The following STARD13 variants were observed in gnomAD, a reference collection of about 807,000 sequenced individuals.
STARD13 encodes StAR related lipid transfer domain containing 13.
STARD13 carries 62 observed loss-of-function variants against 106.4 expected under a neutral mutation model. That is an observed-to-expected ratio of 0.58 (90% confidence interval 0.48 to 0.72). STARD13 has a LOEUF of 0.72. Ranked by LOEUF, STARD13 falls within the 30% of genes least tolerant of loss-of-function variation. STARD13 has a pLI of 0.00. For synonymous variants in STARD13, 565 were observed against 553.0 expected (o/e 1.02, Z -0.31); for missense variants, 1,387 against 1,424.0 (o/e 0.97, Z 0.42).
chr13:33,574,871 C>T, the STARD13 span, among the ~76,000 whole-genome samples: 1 of 151,354 alleles, frequency 6.6e-6, no homozygotes, highest in South Asian at 2.1e-4. Flanking sequence ...TTGTTATACT[C>T]TCAACCTAAA....
At position 33,221,731 on chromosome 13, in the gene STARD13, A is replaced by G. The variant is rs938443909; in HGVS notation, c.170-54109T>C. Among the ~76,000 whole-genome samples, 3 of 152,250 alleles carry G rather than the reference A, an allele frequency of 2.0e-5. No individual in the cohort carries two copies. In the South Asian group the frequency reaches 6.2e-4, roughly 31 times the overall value. Reference sequence around the variant, plus strand: ...ACTTCTGTCTCAAAGAGATATTTGTACATTCACATTCATAGCAGCATTATT... The same window carrying G: ...ACTTCTGTCTCAAAGAGATATTTGTGCATTCACATTCATAGCAGCATTATT... On this transcript the variant is annotated intron_variant, in intron 1 of 13. Transcript: ENST00000336934.
chr13:33,670,855 T>C, the STARD13 span, among the ~76,000 whole-genome samples: 1 of 152,212 alleles, frequency 6.6e-6, no homozygotes, highest in African/African-American at 2.4e-5. Flanking sequence ...CATGATACCA[T>C]GAAGGATTTA....
the STARD13 span, among the ~76,000 whole-genome samples, chr13:33,534,123 C>T: frequency 6.6e-6 from 1 of 152,200 alleles, no homozygotes; most frequent in African/African-American, 2.4e-5. Context: ...AGCCTACTAG[C>T]AACCCTGAAA....
chr13:33,157,865 TG>T (rs1442585562), intron 3 of STARD13, among the ~76,000 whole-genome samples: 2 of 152,230 alleles, frequency 1.3e-5, no homozygotes, highest in African/African-American at 4.8e-5. Context: ...TTTAACACCT[TG>T]GCTATCCCTA....
At chr13:33,577,239 T>C in the STARD13 span, among the ~76,000 whole-genome samples, 3 of 152,168 alleles carry the variant, frequency 2.0e-5, no homozygotes, top group Admixed American at 1.3e-4. Context: ...TGTTTTATCG[T>C]GTTGCTGATA....
intron 10 of STARD13, among the ~76,000 whole-genome samples, chr13:33,111,484 A>T (rs540105): frequency 0.37 from 56,500 of 152,050 alleles, 11,377 homozygotes; most frequent in Middle Eastern, 0.46. Context: ...TCAAGCTCCA[A>T]GGTAAAATCA....
the STARD13 span, among the ~76,000 whole-genome samples, chr13:33,363,517 C>T: frequency 5.9e-5 from 9 of 152,218 alleles, no homozygotes; most frequent in African/African-American, 2.2e-4. Context: ...CTTAAATCTT[C>T]ATCACTGTCC....
intron 1 of STARD13, among the ~76,000 whole-genome samples, chr13:33,214,691 T>C (rs983038255): frequency 2.7e-5 from 3 of 112,592 alleles, no homozygotes; most frequent in African/African-American, 7.8e-5. Flanking sequence ...CACACACACA[T>C]GCACACATAC....
intron 1 of STARD13, among the ~76,000 whole-genome samples, chr13:33,295,575 G>C (rs1006017219): frequency 4.0e-5 from 6 of 151,886 alleles, no homozygotes; most frequent in Admixed American, 3.9e-4. Context: ...GGGCTAGACT[G>C]TGATGGTACA....
intron 1 of STARD13, among the ~76,000 whole-genome samples, chr13:33,199,848 T>A (rs1369522554): frequency 6.6e-6 from 1 of 152,186 alleles, no homozygotes; most frequent in Non-Finnish European, 1.5e-5. Context: ...TCTCGTAATG[T>A]ATATATATGG....
the STARD13 span, among the ~76,000 whole-genome samples, chr13:33,536,294 C>T: frequency 1.3e-5 from 2 of 152,162 alleles, no homozygotes; most frequent in African/African-American, 4.8e-5. Flanking sequence ...TTTAGTGTAA[C>T]ATCATTTGGA....
At chr13:33,490,688 A>G in the STARD13 span, among the ~76,000 whole-genome samples, 1 of 152,006 alleles carries the variant, frequency 6.6e-6, no homozygotes, top group Non-Finnish European at 1.5e-5. Flanking sequence ...AAAACCTCAC[A>G]TTCATCCTTC....
At chr13:33,643,330 T>C in the STARD13 span, among the ~76,000 whole-genome samples, 1 of 152,230 alleles carries the variant, frequency 6.6e-6, no homozygotes, top group East Asian at 1.9e-4. Flanking sequence ...AAGGGAAGTG[T>C]CCTGCCCACC....
chr13:33,116,400 C>A (rs1252126225), intron 8 of STARD13, among the ~76,000 whole-genome samples: 1 of 152,148 alleles, frequency 6.6e-6, no homozygotes, highest in Non-Finnish European at 1.5e-5. Context: ...TGTGTTCATG[C>A]CTCATCTCCC....
the STARD13 span, among the ~76,000 whole-genome samples, chr13:33,444,664 A>C: frequency 6.6e-6 from 1 of 152,094 alleles, no homozygotes; most frequent in Admixed American, 6.6e-5. Context: ...GCCACTAGAG[A>C]GACTGAGGCA....
chr13:33,222,862 C>T (rs1387677039), intron 1 of STARD13, among the ~76,000 whole-genome samples: 1 of 152,208 alleles, frequency 6.6e-6, no homozygotes, highest in Non-Finnish European at 1.5e-5. Flanking sequence ...ACAGAAGAAA[C>T]ATGTCCTCGT....
At chr13:33,201,037 A>G (rs1886993984) in intron 1 of STARD13, among the ~76,000 whole-genome samples, 1 of 143,650 alleles carries the variant, frequency 7.0e-6, no homozygotes, top group Admixed American at 6.9e-5. Flanking sequence ...AAAATAAAAA[A>G]TAAAAATAAA....
At chr13:33,202,547 G>T (rs1005699359) in intron 1 of STARD13, among the ~76,000 whole-genome samples, 1 of 152,190 alleles carries the variant, frequency 6.6e-6, no homozygotes, top group Non-Finnish European at 1.5e-5. Context: ...TCTTTGCGGA[G>T]CCTAGGGAGG....
intron 1 of STARD13, among the ~76,000 whole-genome samples, chr13:33,186,788 C>T (rs1001320801): frequency 6.6e-6 from 1 of 151,954 alleles, no homozygotes; most frequent in Admixed American, 6.6e-5. Context: ...ACAAAAAAAA[C>T]CCTTGTTTAC....
Sources: gnomAD v4.1 joint callset for allele counts (sites outside exome capture counted in the v4.1 genomes callset) on GRCh38, gnomAD v4.1.1 for gene constraint, MANE v1.5 for transcripts, NCBI Gene and HGNC (gene_info 2026-07-23, HGNC 2026-07-21) for gene names.